ST8SIA4: variants seen among roughly 807,000 people sequenced by gnomAD.
ST8SIA4 encodes ST8 alpha-N-acetyl-neuraminide alpha-2,8-sialyltransferase 4.
A neutral mutation model predicts 33.9 loss-of-function variants in ST8SIA4; 15 were observed. That is an observed-to-expected ratio of 0.44 (90% CI 0.30 to 0.68). ST8SIA4 has a LOEUF of 0.68. ST8SIA4 is among the 30% of genes least tolerant of loss of function. The pLI is 0.10. For missense variants in ST8SIA4, 321 were observed against 428.0 expected (o/e 0.75, Z 2.21); for synonymous variants, 171 against 151.2 (o/e 1.13, Z -0.96).
intron 4 of ST8SIA4, among the ~76,000 whole-genome samples, chr5:100,854,123 G>A (rs1045788399): frequency 6.6e-6 from 1 of 151,564 alleles, no homozygotes; most frequent in Admixed American, 6.6e-5. Context: ...AGTTTCTTAA[G>A]ATGCACATTT....
intron 4 of ST8SIA4, among the ~76,000 whole-genome samples, chr5:100,839,035 A>G (rs1751420062): frequency 2.9e-5 from 1 of 34,788 alleles, no homozygotes; most frequent in African/African-American, 5.3e-5. Context: ...GCTATGTTGA[A>G]AAGCCTGATT....
At chr5:100,878,838 T>C (rs2112464774) in intron 3 of ST8SIA4, among the ~76,000 whole-genome samples, 1 of 152,296 alleles carries the variant, frequency 6.6e-6, no homozygotes, top group South Asian at 2.1e-4. Flanking sequence ...AAAGTGTTCA[T>C]TAGAAAATCT....
chr5:100,814,431 A>T (rs1047996588), intron 4 of ST8SIA4, among the ~76,000 whole-genome samples: 1 of 152,132 alleles, frequency 6.6e-6, no homozygotes, highest in Middle Eastern at 3.4e-3. Flanking sequence ...GATTTGCAAC[A>T]GTTTGAATAA....
chr5:100,903,037 G>T lies in ST8SIA4; in HGVS notation c.-82C>A. On this transcript the variant is annotated 5_prime_UTR_variant, in exon 1 of 5. Coordinates refer to ENST00000231461, the MANE Select transcript of ST8SIA4 (RefSeq NM_005668.6). ...AAGGCTCCGTTTTGGGGAGATAGTC[G>T]CGGGGGTGAAATCTGTAAAATGCGA... The T allele has an allele frequency of 1.0e-6, 1 of 989,730 alleles. No homozygotes were observed. The allele number at this position is 989,730 out of a possible 1,614,324, so 61.3% of individuals were successfully genotyped here.
At chr5:100,841,189 T>C (rs1751463249) in intron 4 of ST8SIA4, among the ~76,000 whole-genome samples, 1 of 151,934 alleles carries the variant, frequency 6.6e-6, no homozygotes, top group Non-Finnish European at 1.5e-5. Context: ...TTGCCTTCCA[T>C]GCCCTTCTAG....
At chr5:100,848,739 A>G (rs1258421194) in intron 4 of ST8SIA4, among the ~76,000 whole-genome samples, 2 of 150,644 alleles carry the variant, frequency 1.3e-5, no homozygotes, top group East Asian at 3.9e-4. Context: ...CACAATTGAC[A>G]TTTATCAAAA....
chr5:100,896,051 A>G (rs1752772725), intron 1 of ST8SIA4, among the ~76,000 whole-genome samples: 1 of 152,048 alleles, frequency 6.6e-6, no homozygotes, highest in Non-Finnish European at 1.5e-5. Flanking sequence ...AAAAAAAATC[A>G]CCAAATATAA....
At chr5:100,870,010 C>T (rs111708318) in intron 3 of ST8SIA4, among the ~76,000 whole-genome samples, 1,852 of 152,220 alleles carry the variant, frequency 0.012, 36 homozygotes, top group African/African-American at 0.041. Flanking sequence ...CCCCACCCCA[C>T]GACAGGCCCT....
chr5:100,879,350 A>T (rs938208378), intron 3 of ST8SIA4, among the ~76,000 whole-genome samples: 1 of 152,154 alleles, frequency 6.6e-6, no homozygotes, highest in African/African-American at 2.4e-5. Flanking sequence ...ATTTATAGAG[A>T]AAGGTTTAGA....
In ST8SIA4 at chr5:100,826,127, T is replaced by TC. The variant is rs1276821263; in HGVS notation, c.798-13999_798-13998insG. 5.9e-4 allele frequency among the ~76,000 whole-genome samples: 3 copies of TC among 5,050 alleles called. No individual in the cohort carries two copies. In the Non-Finnish European group the frequency reaches 9.4e-3, roughly 16 times the overall value. 3.3% of individuals were successfully genotyped at this position (5,050 alleles called of 152,430 possible). On this transcript the variant is annotated intron_variant, in intron 4 of 4. Coordinates refer to ENST00000231461, the MANE Select transcript of ST8SIA4 (RefSeq NM_005668.6). ...AACTTTTGGTTGGTTTGGAGCAACT[T>TC]AATTTTTTTTTATTATTATGTGGTT...
intron 3 of ST8SIA4, among the ~76,000 whole-genome samples, chr5:100,877,351 A>T (rs578241238): frequency 6.6e-6 from 1 of 152,322 alleles, no homozygotes; most frequent in South Asian, 2.1e-4. Context: ...ATGAGGATTG[A>T]TTAAATTTGA....
chr5:100,814,525 C>A (rs569179445), intron 4 of ST8SIA4, among the ~76,000 whole-genome samples: 1 of 151,986 alleles, frequency 6.6e-6, no homozygotes, highest in East Asian at 1.9e-4. Context: ...CTATTGATTT[C>A]TAAAAAGTGT....
intron 4 of ST8SIA4, among the ~76,000 whole-genome samples, chr5:100,835,446 G>T (rs960087881): frequency 1.3e-5 from 2 of 151,924 alleles, no homozygotes; most frequent in African/African-American, 4.8e-5. Context: ...AGTAAATGTG[G>T]CTACTTGAAA....
At chr5:100,876,535 A>C (rs545601428) in intron 3 of ST8SIA4, among the ~76,000 whole-genome samples, 4 of 152,184 alleles carry the variant, frequency 2.6e-5, no homozygotes, top group African/African-American at 9.6e-5. Flanking sequence ...TCTTTAACCT[A>C]GCCAATGACT....
At chr5:100,824,295 G>C (rs1267182639) in intron 4 of ST8SIA4, among the ~76,000 whole-genome samples, 2 of 152,154 alleles carry the variant, frequency 1.3e-5, no homozygotes, top group Non-Finnish European at 2.9e-5. Flanking sequence ...GAAGAATCTA[G>C]GGTATATAGA....
intron 3 of ST8SIA4, among the ~76,000 whole-genome samples, chr5:100,861,336 A>G (rs1751936607): frequency 6.6e-6 from 1 of 152,276 alleles, no homozygotes; most frequent in Non-Finnish European, 1.5e-5. Context: ...GTTCGTTAAC[A>G]TTACTGGCAA....
At chr5:100,812,176 C>T (rs778608798) in intron 4 of ST8SIA4, 47 bp from the exon 5 acceptor site, 1 of 1,535,512 alleles carries the variant, frequency 6.5e-7, no homozygotes. Context: ...TTTAGACACA[C>T]ATAGAGCATA....
Position 100,902,904 on chromosome 5 carries a change from T to C in ST8SIA4, c.52A>G (p.Ile18Val), listed in dbSNP as rs367569218. 3.7e-6 allele frequency: 6 copies of C among 1,614,092 alleles called. No homozygotes were observed. In the African/African-American group the frequency reaches 6.7e-5, roughly 18 times the overall value. Reference protein sequence around the residue: ...WTICTISLLLIFYKTKEIART... With the variant: ...WTICTISLLLVFYKTKEIART... Reference sequence around the variant, plus strand: ...GCTATTTCTTTTGTCTTATAAAAGATCAGGAGCAGACTTATTGTGCAGATC... The same window carrying C: ...GCTATTTCTTTTGTCTTATAAAAGACCAGGAGCAGACTTATTGTGCAGATC... The change falls in exon 1 of 5, where the codon ATC (isoleucine) becomes GTC (valine). Residue 18 changes from isoleucine (I) to valine (V), a missense_variant. Ile to Val is a conservative substitution (Grantham distance 29, BLOSUM62 3). Coordinates refer to ENST00000231461, the MANE Select transcript of ST8SIA4 (RefSeq NM_005668.6).
intron 4 of ST8SIA4, among the ~76,000 whole-genome samples, chr5:100,837,079 T>C (rs940891207): frequency 1.3e-5 from 2 of 151,744 alleles, no homozygotes; most frequent in Non-Finnish European, 2.9e-5. Context: ...TTAGCTCTAC[T>C]TTCCACTTGC....
Sources: gnomAD v4.1 joint callset for allele counts (sites outside exome capture counted in the v4.1 genomes callset) on GRCh38, gnomAD v4.1.1 for gene constraint, MANE v1.5 for transcripts, NCBI Gene and HGNC (gene_info 2026-07-23, HGNC 2026-07-21) for gene names.